The following TOPAZ1 variants were observed in gnomAD, a reference collection of about 807,000 sequenced individuals.
The protein encoded by TOPAZ1 is protein TOPAZ1.
Under a neutral mutation model 172.2 loss-of-function variants are expected in TOPAZ1, and 66 were observed. That is an observed-to-expected ratio of 0.38 (90% confidence interval 0.31 to 0.47). The LOEUF (loss-of-function observed/expected upper bound fraction) is 0.47, where lower values mean the gene tolerates loss of function less well. Ranked by LOEUF, TOPAZ1 falls within the 20% of genes least tolerant of loss-of-function variation. The pLI is 0.99. For missense variants in TOPAZ1, 1,822 were observed against 1,972.4 expected (o/e 0.92, Z 1.44); for synonymous variants, 681 against 683.9 (o/e 1.00, Z 0.07).
At chr3:44,282,139 A>T in intron 9 of TOPAZ1, 108 bp downstream of exon 9, 1 of 684,574 alleles carries the variant, frequency 1.5e-6, no homozygotes, top group Non-Finnish European at 2.4e-6. Flanking sequence ...GCCTTACCCA[A>T]GAGTAGCTCT....
At chr3:44,285,997 T>G (rs1700074830) in intron 9 of TOPAZ1, among the ~76,000 whole-genome samples, 1 of 151,280 alleles carries the variant, frequency 6.6e-6, no homozygotes, top group Non-Finnish European at 1.5e-5. Flanking sequence ...TCACCTGAGG[T>G]CAGAAGTTCA....
intron 11 of TOPAZ1, among the ~76,000 whole-genome samples, chr3:44,290,540 ATAACT>A (rs1700125462): frequency 6.6e-6 from 1 of 152,250 alleles, no homozygotes. Flanking sequence ...AGTGGTTGAG[ATAACT>A]TAGAGAGCAG....
intron 7 of TOPAZ1, 137 bp downstream of exon 7, chr3:44,269,438 A>G: frequency 3.4e-6 from 1 of 298,244 alleles, no homozygotes; most frequent in Non-Finnish European, 6.2e-6. Flanking sequence ...ATAAACCAAT[A>G]CTTTGGACCT....
intron 18 of TOPAZ1, among the ~76,000 whole-genome samples, chr3:44,324,772 A>C (rs887442865): frequency 1.3e-5 from 2 of 152,336 alleles, no homozygotes; most frequent in South Asian, 4.1e-4. Context: ...TATTTTATTC[A>C]TACCAGAAAG....
At chr3:44,293,308 A>T (rs1278509287) in intron 12 of TOPAZ1, among the ~76,000 whole-genome samples, 2 of 152,122 alleles carry the variant, frequency 1.3e-5, no homozygotes, top group African/African-American at 2.4e-5. Flanking sequence ...ATATTTTTTT[A>T]AAGTTAAGTG....
chr3:44,296,114 A>G (rs749811993), intron 12 of TOPAZ1, among the ~76,000 whole-genome samples: 1 of 152,220 alleles, frequency 6.6e-6, no homozygotes, highest in Admixed American at 6.5e-5. Context: ...ACATTTCTCT[A>G]TAATCCACGT....
At position 44,257,349 on chromosome 3, in the gene TOPAZ1, A is replaced by AGGGG. The variant is rs201484200; in HGVS notation, c.2955+1072_2955+1075dup. 3.2e-4 allele frequency among the ~76,000 whole-genome samples: 30 copies of AGGGG among 93,628 alleles called. 1 individual carries two copies. The highest frequency in any genetic ancestry group is 1.2e-3 in the African/African-American group (30 of 24,338). 61.4% of individuals were successfully genotyped at this position (93,628 alleles called of 152,430 possible). A position where few individuals can be genotyped will look rare whatever the true frequency, so the allele number is the denominator to read the frequency against. ...AGACCTGTCTCAAAAAAGAAAACAT[A>AGGGG]GGGGTGTGTGTGTGTGTGTGTGTGT... On this transcript the variant is annotated intron_variant, in intron 4 of 19. Transcript: ENST00000309765.
At chr3:44,269,411 C>G (rs1470563628) in intron 7 of TOPAZ1, 110 bp downstream of exon 7, 1 of 549,284 alleles carries the variant, frequency 1.8e-6, no homozygotes, top group African/African-American at 2.1e-5. Context: ...TTATCCTCCC[C>G]TTAAAAAAAT....
intron 2 of TOPAZ1, among the ~76,000 whole-genome samples, chr3:44,250,138 T>A (rs1291932566): frequency 6.6e-6 from 1 of 151,700 alleles, no homozygotes; most frequent in Non-Finnish European, 1.5e-5. Context: ...TTATATCCTG[T>A]CTCAAGTAAC....
chr3:44,266,323 G>A (rs1258174331), intron 5 of TOPAZ1, among the ~76,000 whole-genome samples: 2 of 152,168 alleles, frequency 1.3e-5, no homozygotes, highest in Admixed American at 6.6e-5. Context: ...TATGTTCACT[G>A]GAGTAACACT....
intron 4 of TOPAZ1, among the ~76,000 whole-genome samples, chr3:44,259,122 TG>T (rs1699747350): frequency 6.6e-6 from 1 of 152,170 alleles, no homozygotes; most frequent in African/African-American, 2.4e-5. Flanking sequence ...TTCTTCTGGT[TG>T]TTAGTAGGGC....
intron 2 of TOPAZ1, among the ~76,000 whole-genome samples, chr3:44,246,165 G>T (rs566743387): frequency 9.2e-5 from 14 of 152,304 alleles, no homozygotes; most frequent in African/African-American, 3.1e-4. Context: ...TTTAAATGAT[G>T]ATTTTTTCCC....
chr3:44,333,130 A>G (rs1241442128), downstream of TOPAZ1, among the ~76,000 whole-genome samples: 1 of 151,974 alleles, frequency 6.6e-6, no homozygotes, highest in Non-Finnish European at 1.5e-5. Flanking sequence ...AGCTGGACCA[A>G]AAGTATTTCT....
At chr3:44,295,661 A>G (rs1700186809) in intron 12 of TOPAZ1, among the ~76,000 whole-genome samples, 2 of 152,210 alleles carry the variant, frequency 1.3e-5, no homozygotes, top group African/African-American at 2.4e-5. Context: ...ACATAATAAG[A>G]TGATCAATAT....
At position 44,256,218 on chromosome 3, in the gene TOPAZ1, T is replaced by C. The variant is rs776429837; in HGVS notation, c.2895T>C (p.Ser965=). ...TAGGAGAAGTTGCTAATGAGACCTC[T>C]GAAAATGAAACACTGGGAGACTTCA... is the stretch of plus-strand genomic sequence containing the variant. The part of the protein sequence containing the change: ...TSLGEVANET[S]ENETLGDFSE... Residue 965 remains serine, a synonymous_variant, in exon 4 of 20, where the codon TCT becomes TCC. Coordinates refer to ENST00000309765, the MANE Select transcript of TOPAZ1 (RefSeq NM_001145030.2). 1.6e-5 allele frequency: 25 copies of C among 1,537,358 alleles called. 1 individual carries two copies. In the South Asian group the frequency reaches 2.6e-4, roughly 16 times the overall value.
chr3:44,309,713 G>T, intron 15 of TOPAZ1, 112 bp from the exon 16 acceptor site: 1 of 760,486 alleles, frequency 1.3e-6, no homozygotes, highest in Non-Finnish European at 2.1e-6. Context: ...TTAACAGCCA[G>T]CAGTCTAGGA....
chr3:44,278,266 G>A (rs1699985645), intron 8 of TOPAZ1, among the ~76,000 whole-genome samples: 2 of 152,190 alleles, frequency 1.3e-5, no homozygotes, highest in South Asian at 4.1e-4. Flanking sequence ...TGTGCTGCTA[G>A]ATTCGGTTTG....
chr3:44,322,069 T>C (rs560550932), intron 17 of TOPAZ1, among the ~76,000 whole-genome samples: 4 of 152,260 alleles, frequency 2.6e-5, no homozygotes, highest in African/African-American at 9.6e-5. Context: ...TATAATGAAA[T>C]TGGTGTTTCA....
chr3:44,274,406 A>AAAAAGAAAAG (rs141902868), intron 8 of TOPAZ1, among the ~76,000 whole-genome samples: 1 of 149,458 alleles, frequency 6.7e-6, no homozygotes, highest in Non-Finnish European at 1.5e-5. Flanking sequence ...CTCTCAAAAA[A>AAAAAGAAAAG]AAAAGAAAAG....
Sources: gnomAD v4.1 joint callset for allele counts (sites outside exome capture counted in the v4.1 genomes callset) on GRCh38, gnomAD v4.1.1 for gene constraint, MANE v1.5 for transcripts, NCBI Gene and HGNC (gene_info 2026-07-23, HGNC 2026-07-21) for gene names.